Variants in ZRANB3 observed in about 807,000 individuals in gnomAD.
ZRANB3 encodes zinc finger RANBP2-type containing 3.
ZRANB3 carries 125 observed loss-of-function variants against 133.8 expected under a neutral mutation model. That is an observed-to-expected ratio of 0.93 (90% CI 0.81 to 1.08). ZRANB3 has a LOEUF of 1.08. Among genes scored for constraint, ZRANB3 ranks in the 50% least tolerant of loss-of-function variants. The pLI, the probability that ZRANB3 is intolerant of heterozygous loss-of-function variation, is 0.00. For synonymous variants in ZRANB3, 387 were observed against 432.7 expected (o/e 0.89, Z 1.31); for missense variants, 1,229 against 1,275.5 (o/e 0.96, Z 0.56).
chr2:135,299,014 AAAGTCCCT>A (rs1682301195), intron 8 of ZRANB3, among the ~76,000 whole-genome samples: 1 of 152,164 alleles, frequency 6.6e-6, no homozygotes, highest in Non-Finnish European at 1.5e-5. Flanking sequence ...AAGCTTGTCT[AAAGTCCCT>A]GGACAAGTAT....
At chr2:135,261,427 C>A (rs1237967365) in intron 12 of ZRANB3, among the ~76,000 whole-genome samples, 1 of 152,100 alleles carries the variant, frequency 6.6e-6, no homozygotes, top group East Asian at 1.9e-4. Context: ...GTTGGCCATA[C>A]AATAAATAAG....
chr2:135,263,543 A>T (rs1680068597), intron 12 of ZRANB3, among the ~76,000 whole-genome samples: 2 of 152,202 alleles, frequency 1.3e-5, no homozygotes, highest in Non-Finnish European at 2.9e-5. Context: ...AAAGGGAGTA[A>T]GTGCTCCTTA....
At chr2:135,420,951 A>T (rs951758320) in intron 2 of ZRANB3, among the ~76,000 whole-genome samples, 3 of 152,098 alleles carry the variant, frequency 2.0e-5, no homozygotes, top group Admixed American at 2.0e-4. Flanking sequence ...TCTATTTTCT[A>T]TCTGTATCAG....
At chr2:135,414,325 T>G (rs1688452233) in intron 2 of ZRANB3, among the ~76,000 whole-genome samples, 1 of 152,044 alleles carries the variant, frequency 6.6e-6, no homozygotes, top group Non-Finnish European at 1.5e-5. Context: ...TAAAACAGAC[T>G]TTAAACCAAC....
chr2:135,260,607 T>C (rs1297064394), intron 12 of ZRANB3, among the ~76,000 whole-genome samples: 1 of 147,726 alleles, frequency 6.8e-6, no homozygotes, highest in Non-Finnish European at 1.5e-5. Flanking sequence ...ATATATAGTA[T>C]ATATGTACTA....
At chr2:135,487,703 T>G (rs1559032295) in intron 2 of ZRANB3, among the ~76,000 whole-genome samples, 1 of 152,198 alleles carries the variant, frequency 6.6e-6, no homozygotes, top group Non-Finnish European at 1.5e-5. Flanking sequence ...GTTTCTCACC[T>G]CTCAGCCTTC....
At position 135,433,582 on chromosome 2, in the gene ZRANB3, T is replaced by C. The variant is rs141293453; in HGVS notation, c.162-42762A>G. ...GAAAACAATTTTGGGCTGGGCGCAG[T>C]GGCTCACACCTGTAATCTCAGCACT... On this transcript the variant is annotated intron_variant, in intron 2 of 20. Transcript: ENST00000264159. 7.2e-5 allele frequency among the ~76,000 whole-genome samples: 11 copies of C among 152,334 alleles called. No homozygotes were observed. In the East Asian group the frequency reaches 2.1e-3, roughly 29 times the overall value.
chr2:135,219,344 A>G (rs1694441400), intron 15 of ZRANB3, among the ~76,000 whole-genome samples, 166 bp from the exon 16 acceptor site: 1 of 152,228 alleles, frequency 6.6e-6, no homozygotes, highest in African/African-American at 2.4e-5. Flanking sequence ...CCTCTGGAGA[A>G]ACTGTGAGCC....
chr2:135,272,166 C>A (rs1680549240), intron 9 of ZRANB3, among the ~76,000 whole-genome samples: 1 of 152,130 alleles, frequency 6.6e-6, no homozygotes, highest in African/African-American at 2.4e-5. Context: ...TTGTATATAG[C>A]AGAAGCTCCA....
chr2:135,311,380 A>T (rs556792367), intron 8 of ZRANB3, among the ~76,000 whole-genome samples: 6 of 152,296 alleles, frequency 3.9e-5, no homozygotes, highest in Admixed American at 3.9e-4. Context: ...TAATATAGCT[A>T]CTTTGAAAAA....
At chr2:135,207,860 T>A (rs747368588) in intron 18 of ZRANB3, 24 bp from the exon 19 acceptor site, 2 of 1,572,484 alleles carry the variant, frequency 1.3e-6, no homozygotes, top group Non-Finnish European at 1.7e-6. Flanking sequence ...AAACACTGAA[T>A]AGGTAACTAA....
intron 4 of ZRANB3, among the ~76,000 whole-genome samples, chr2:135,352,333 A>C (rs900323870): frequency 6.9e-6 from 1 of 145,360 alleles, no homozygotes; most frequent in Non-Finnish European, 1.5e-5. Flanking sequence ...CTCCGTCTCC[A>C]AAAAAAAAAA....
intron 5 of ZRANB3, among the ~76,000 whole-genome samples, chr2:135,345,919 T>C (rs934205979): frequency 6.6e-6 from 1 of 152,172 alleles, no homozygotes; most frequent in Non-Finnish European, 1.5e-5. Context: ...CCATAAAACA[T>C]GTCTCAGACA....
At chr2:135,486,867 T>A (rs989148473) in intron 2 of ZRANB3, among the ~76,000 whole-genome samples, 4 of 152,208 alleles carry the variant, frequency 2.6e-5, no homozygotes, top group Non-Finnish European at 5.9e-5. Flanking sequence ...TGGGATCAAC[T>A]TCTTCCAAAT....
intron 12 of ZRANB3, among the ~76,000 whole-genome samples, chr2:135,254,336 G>A (rs186404496): frequency 4.4e-4 from 67 of 152,216 alleles, no homozygotes; most frequent in African/African-American, 1.2e-3. Flanking sequence ...TTATCGTATT[G>A]CATTAAAATG....
intron 2 of ZRANB3, among the ~76,000 whole-genome samples, chr2:135,454,135 T>C (rs1036745283): frequency 2.0e-5 from 3 of 152,154 alleles, no homozygotes; most frequent in African/African-American, 7.2e-5. Context: ...ATCACGAGAA[T>C]AGCATGGGAA....
At chr2:135,501,570 T>TA (rs1692947594) in intron 2 of ZRANB3, among the ~76,000 whole-genome samples, 1 of 152,172 alleles carries the variant, frequency 6.6e-6, no homozygotes, top group African/African-American at 2.4e-5. Context: ...AAGCGTTCCC[T>TA]AAAGCTTTTC....
chr2:135,257,311 T>C (rs1046297693), intron 12 of ZRANB3, among the ~76,000 whole-genome samples: 1 of 152,232 alleles, frequency 6.6e-6, no homozygotes, highest in South Asian at 2.1e-4. Context: ...TGGTAACATA[T>C]AGATTAACCA....
intron 8 of ZRANB3, among the ~76,000 whole-genome samples, chr2:135,296,104 C>T (rs1397803147): frequency 6.6e-6 from 1 of 152,116 alleles, no homozygotes; most frequent in East Asian, 1.9e-4. Flanking sequence ...CTCTGTATTT[C>T]CTGAATTTGA....
Sources: allele counts gnomAD v4.1 joint callset (sites outside exome capture counted in the v4.1 genomes callset), GRCh38; gene constraint gnomAD v4.1.1; transcripts MANE v1.5; gene names NCBI Gene and HGNC (gene_info 2026-07-23, HGNC 2026-07-21).